The following EVC2 variants were observed in gnomAD, a reference collection of about 807,000 sequenced individuals.
EVC2 encodes limbin.
A neutral mutation model predicts 149.3 loss-of-function variants in EVC2; 148 were observed. That is an observed-to-expected ratio of 0.99 (90% CI 0.87 to 1.14). The LOEUF (loss-of-function observed/expected upper bound fraction) is 1.14, where lower values mean the gene tolerates loss of function less well. Among genes scored for constraint, EVC2 ranks in the 50% most tolerant of loss-of-function variants. The pLI, the probability that EVC2 is intolerant of heterozygous loss-of-function variation, is 0.00. For missense variants in EVC2, 1,854 were observed against 1,627.3 expected, an observed-to-expected ratio of 1.14 and a Z score of -2.40; for synonymous variants, 776 against 649.9, an observed-to-expected ratio of 1.19 and a Z score of -2.95.
chr4:5,543,256 C>A, intron 21 of EVC2: 5 of 1,253,736 alleles, frequency 4.0e-6, no homozygotes, highest in Non-Finnish European at 4.2e-6. Context: ...TCTCTCCCAT[C>A]CCTACCCACA....
Position 5,614,237 on chromosome 4 carries a change from A to T in EVC2, c.2829+1185T>A, listed in dbSNP as rs1715064920. On this transcript the variant is annotated intron_variant, in intron 16 of 21. Transcript: ENST00000344408. This position sits in a 1 kb window ranked among gnomAD's most constrained non-coding sequence, Gnocchi z 4.7. ...CCTACTTCACCTGTAAGGTCACATT[A>T]TCTAATTTCTTTCCTTAATAGCACT... 6.6e-6 allele frequency among the ~76,000 whole-genome samples: 1 copy of T among 152,098 alleles called. No homozygotes were observed. Among genetic ancestry groups the T allele is most frequent in the Admixed American group, 6.5e-5 (1 of 15,274 alleles).
At chr4:5,538,726 T>A (rs1381765383), downstream of EVC2, among the ~76,000 whole-genome samples, 1 of 152,128 alleles carries the variant, frequency 6.6e-6, no homozygotes, top group Non-Finnish European at 1.5e-5. Context: ...AACTAAAATA[T>A]ATGGCCATCT....
At chr4:5,546,728 G>GAAAAA (rs542465431) in intron 21 of EVC2, among the ~76,000 whole-genome samples, 1 of 145,860 alleles carries the variant, frequency 6.9e-6, no homozygotes, top group African/African-American at 2.5e-5. Context: ...TAATAAAATT[G>GAAAAA]AAAAAAAAAA....
rs928653922 is a variant in EVC2, at chr4:5,568,435, G to C, written c.3557+9C>G. On this transcript the variant is annotated intron_variant, in intron 20 of 21. Transcript: ENST00000344408. ...GTGCCCCGGGAGGCAGCCCCTCCAC[G>C]GCACTCACCTCCGCCTGCCCACGTC... 1.2e-5 allele frequency: 19 copies of C among 1,547,162 alleles called. No homozygotes were observed. The highest frequency in any genetic ancestry group is 1.5e-5 in the Non-Finnish European group (17 of 1,152,922).
rs1349357732 is a variant in EVC2 at position 5,614,443 on chromosome 4, G to T, written c.2829+979C>A. 1.3e-5 allele frequency among the ~76,000 whole-genome samples: 2 copies of T among 152,126 alleles called. No individual in the cohort carries two copies. The highest frequency in any genetic ancestry group is 1.5e-5 in the Non-Finnish European group (1 of 68,028). On this transcript the variant is annotated intron_variant, in intron 16 of 21. Transcript: ENST00000344408. The surrounding 1 kb of genome is among the most constrained non-coding windows in gnomAD (Gnocchi z 4.7). Reference sequence around the variant, plus strand: ...TACTTGTGGAACAAATTAACCATGTGATAGGTGCTATGGTAAGGAAGAGTT... The same window carrying T: ...TACTTGTGGAACAAATTAACCATGTTATAGGTGCTATGGTAAGGAAGAGTT...
rs886037763 is a variant in EVC2, at chr4:5,615,504, CT to C, written c.2746del (p.Ser916AlafsTer6). 15 of 1,614,226 alleles carry C rather than the reference CT, an allele frequency of 9.3e-6. No homozygotes were observed. Among genetic ancestry groups the C allele is most frequent in the Non-Finnish European group, 1.3e-5 (15 of 1,180,044 alleles). Reference sequence around the variant, plus strand: ...GCACTTCTTCAGAAGCTCTCCCTTGCTTTTACTCTTGGACCGTGACTTTCTC... The same window carrying C: ...GCACTTCTTCAGAAGCTCTCCCTTGCTTTACTCTTGGACCGTGACTTTCTC... ...KVRKSRSKSK[S>X]KGELLKKCIE... is the part of the protein sequence containing the mutation. On this transcript the variant is annotated frameshift_variant, in exon 16 of 22. Transcript: ENST00000344408. LOFTEE classifies it high-confidence loss of function.
intron 9 of EVC2, among the ~76,000 whole-genome samples, chr4:5,648,576 AGAG>A (rs971339294): frequency 1.3e-5 from 2 of 152,206 alleles, no homozygotes; most frequent in Non-Finnish European, 2.9e-5. Context: ...GAGTTAAAGA[AGAG>A]AAGAAACAGA....
chr4:5,668,159 A>G (rs1160723893), intron 7 of EVC2, among the ~76,000 whole-genome samples: 3 of 152,370 alleles, frequency 2.0e-5, no homozygotes, highest in Non-Finnish European at 4.4e-5. Flanking sequence ...TTTAGGAGCT[A>G]GAAGACAACT....
chr4:5,639,533 C>T (rs1281478134), intron 10 of EVC2, among the ~76,000 whole-genome samples: 2 of 152,218 alleles, frequency 1.3e-5, no homozygotes, highest in African/African-American at 4.8e-5. Flanking sequence ...CAGGCAGCTG[C>T]TTTTCCTACA....
intron 16 of EVC2, among the ~76,000 whole-genome samples, chr4:5,589,820 G>A (rs1712625575): frequency 6.6e-6 from 1 of 152,134 alleles, no homozygotes; most frequent in Non-Finnish European, 1.5e-5. Flanking sequence ...GGGTTATTCT[G>A]ATTATTAATA....
At chr4:5,616,212 G>T (rs578105331) in intron 15 of EVC2, among the ~76,000 whole-genome samples, 1 of 152,312 alleles carries the variant, frequency 6.6e-6, no homozygotes, top group Non-Finnish European at 1.5e-5. Flanking sequence ...TCTCCCCTGA[G>T]AACTTTCCCA....
rs1298656791 is a variant in EVC2 at position 5,613,290 on chromosome 4, C to A, written c.2829+2132G>T. ...CTGGGTTCCCTCTGTGCACTGTGGCCTCCAGCACAGTCCAGGATACCCATT... is the reference window on the plus strand; with the variant it reads ...CTGGGTTCCCTCTGTGCACTGTGGCATCCAGCACAGTCCAGGATACCCATT... On this transcript the variant is annotated intron_variant, in intron 16 of 21. Transcript: ENST00000344408. This position sits in a 1 kb window ranked among gnomAD's most constrained non-coding sequence, Gnocchi z 4.6. 6.6e-6 allele frequency among the ~76,000 whole-genome samples: 1 copy of A among 152,186 alleles called. No individual in the cohort carries two copies. Among genetic ancestry groups the A allele is most frequent in the East Asian group, 1.9e-4 (1 of 5,176 alleles).
chr4:5,546,264 C>T (rs13106183), intron 21 of EVC2, among the ~76,000 whole-genome samples: 75,978 of 152,006 alleles, frequency 0.5, 21,527 homozygotes, highest in Non-Finnish European at 0.65. Context: ...CACATGCATA[C>T]GTATGTTTAC....
rs1260420557 is a variant in EVC2 at position 5,567,842 on chromosome 4, AAAG to A, written c.3557+599_3557+601del. Among the ~76,000 whole-genome samples the A allele has an allele frequency of 6.6e-6, 1 of 152,228 alleles. No individual in the cohort carries two copies. The highest frequency in any genetic ancestry group is 2.4e-5 in the African/African-American group (1 of 41,462). On this transcript the variant is annotated intron_variant, in intron 20 of 21. Transcript: ENST00000344408. This position sits in a 1 kb window ranked among gnomAD's most constrained non-coding sequence, Gnocchi z 4.4. ...CCTGTGCCACGTGTCAATAACATTGAAAGAATAAAATTTAAATGAATAACACTA... is the reference window on the plus strand; with the variant it reads ...CCTGTGCCACGTGTCAATAACATTGAAATAAAATTTAAATGAATAACACTA...
chr4:5,594,049 G>C (rs1242468383), intron 16 of EVC2, among the ~76,000 whole-genome samples: 1 of 152,174 alleles, frequency 6.6e-6, no homozygotes, highest in Non-Finnish European at 1.5e-5. Context: ...GGCTTGCTTA[G>C]GTAAACAAAG....
At chr4:5,632,199 G>A (rs1053892749) in intron 10 of EVC2, among the ~76,000 whole-genome samples, 167 bp from the exon 11 acceptor site, 3 of 152,238 alleles carry the variant, frequency 2.0e-5, no homozygotes, top group African/African-American at 7.2e-5. Context: ...CATGCAGTGT[G>A]TGCATGCACA....
At chr4:5,547,731 A>G (rs919358860) in intron 21 of EVC2, among the ~76,000 whole-genome samples, 1 of 152,118 alleles carries the variant, frequency 6.6e-6, no homozygotes, top group Non-Finnish European at 1.5e-5. Flanking sequence ...TTCTTCTTGG[A>G]CGCAGGATAA....
intron 1 of EVC2, among the ~76,000 whole-genome samples, chr4:5,698,800 G>A (rs1370278097): frequency 6.6e-6 from 1 of 152,238 alleles, no homozygotes; most frequent in Non-Finnish European, 1.5e-5. Flanking sequence ...CACCCTGCAC[G>A]CAACGGCTGG....
chr4:5,584,956 C>G, intron 16 of EVC2, 106 bp from the exon 17 acceptor site: 1 of 1,254,450 alleles, frequency 8.0e-7, no homozygotes, highest in South Asian at 1.3e-5. Context: ...TTCTGAGGAC[C>G]ACCAAAAGTT....
Sources: gnomAD v4.1 joint callset for allele counts (sites outside exome capture counted in the v4.1 genomes callset) on GRCh38, gnomAD v4.1.1 for gene constraint, Gnocchi (gnomAD v3.1) non-coding constraint, MANE v1.5 for transcripts, NCBI Gene and HGNC (gene_info 2026-07-23, HGNC 2026-07-21) for gene names.